The following DYSF variants were observed in gnomAD, a reference collection of about 807,000 sequenced individuals.
DYSF encodes the protein dystrophy-associated fer-1-like 1.
In DYSF, 212 loss-of-function variants were observed where a neutral mutation model predicts 274.9. The observed-to-expected ratio is 0.77, with a 90% CI of 0.69 to 0.86. DYSF has a LOEUF of 0.86. Ranked by LOEUF, DYSF falls within the 40% of genes least tolerant of loss-of-function variation. The probability of loss-of-function intolerance (pLI) is 0.00; values close to 1 mark genes in which losing one functional copy is unlikely to be tolerated. For synonymous variants in DYSF, 1,091 were observed against 1,078.7 expected (o/e 1.01, Z -0.22); for missense variants, 2,666 against 2,783.2 (o/e 0.96, Z 0.95).
chr2:71,526,616 T>C (rs2087952829), intron 13 of DYSF, among the ~76,000 whole-genome samples: 1 of 152,266 alleles, frequency 6.6e-6, no homozygotes, highest in Non-Finnish European at 1.5e-5. Context: ...ATTTTCTTAG[T>C]TCTCATTGAG....
rs762675721 is a variant in DYSF, at chr2:71,668,800, G to A, written c.5504G>A (p.Arg1835Gln). The A allele has an allele frequency of 1.2e-5, 19 of 1,613,848 alleles. No individual in the cohort carries two copies. The highest frequency in any genetic ancestry group is 4.4e-5 in the South Asian group (4 of 91,024). ...GACCTATTTCCGAAGGCCCTGGGGC[G>A]GCCTGGACCTCCCTTCAACATCACC... ...WVDLFPKALG[R>Q]PGPPFNITPR... is the part of the protein sequence containing the mutation. Residue 1835 changes from arginine (R) to glutamine (Q), a missense_variant, in exon 49 of 56, where the codon CGG becomes CAG. Coordinates refer to ENST00000410020, the MANE Select transcript of DYSF (RefSeq NM_001130987.2).
chr2:71,508,244 C>T (rs1406679177), intron 4 of DYSF, among the ~76,000 whole-genome samples: 2 of 152,182 alleles, frequency 1.3e-5, no homozygotes, highest in Admixed American at 1.3e-4. Flanking sequence ...CCTCCTGGCC[C>T]ATCATTCTGA....
At position 71,528,399 on chromosome 2, in the gene DYSF, A is replaced by G. The variant is rs776644656; in HGVS notation, c.1378A>G (p.Met460Val). The change falls in exon 14 of 56, where the codon ATG (methionine) becomes GTG (valine). Residue 460 changes from methionine to valine, a missense_variant and splice_region_variant. By Grantham distance (21) the Met-to-Val change is conservative (BLOSUM62 1). Around this residue, in one of 3 missense-constraint regions of DYSF, gnomAD observed 794 missense variants for 777.1 expected, o/e 1.02. Transcript: ENST00000410020. ...PFVEVSFAGK[M>V]LCSKILEKTA... is the part of the protein sequence containing the mutation. ...TGTGGAGGTCAGCTTTGCGGGGAAA[A>G]TGGTAAGGAGCAAGGGAGCAGGAGG... 3 of 1,613,562 alleles carry G rather than the reference A, an allele frequency of 1.9e-6. No homozygotes were observed. Among genetic ancestry groups the G allele is most frequent in the Non-Finnish European group, 2.5e-6 (3 of 1,179,604 alleles).
intron 22 of DYSF, among the ~76,000 whole-genome samples, chr2:71,557,410 A>C (rs72900882): frequency 4.9e-4 from 74 of 152,330 alleles, no homozygotes; most frequent in African/African-American, 1.7e-3. Context: ...GGGAAGTGGC[A>C]GGAGAGGCTG....
At chr2:71,681,972 C>T (rs934205951) in intron 54 of DYSF, among the ~76,000 whole-genome samples, 20 of 152,156 alleles carry the variant, frequency 1.3e-4, no homozygotes, top group Admixed American at 4.6e-4. Flanking sequence ...CTGATGTTAA[C>T]GGGGCCATGA....
At position 71,474,598 on chromosome 2, in the gene DYSF, G is replaced by A. The variant is rs568471298; in HGVS notation, c.92-6285G>A. The stretch of plus-strand genomic sequence containing the variant: ...CTTGGTGCCTGTAAATCACGTGATT[G>A]TGCTTAGTGAATGTTTCGTTTCTTT... On this transcript the variant is annotated intron_variant, in intron 1 of 55. Transcript: ENST00000410020. Among the ~76,000 whole-genome samples the A allele has an allele frequency of 7.9e-5, 12 of 152,288 alleles. No homozygotes were observed. The South Asian group carries it at 2.3e-3, about 29-fold the overall frequency.
intron 10 of DYSF, among the ~76,000 whole-genome samples, chr2:71,518,438 G>A (rs1436531123): frequency 1.7e-5 from 2 of 114,314 alleles, no homozygotes; most frequent in Non-Finnish European, 3.8e-5. Context: ...TTTTTTTTTT[G>A]GTATTTTTAG....
At chr2:71,551,511 C>A (rs1194232969) in intron 18 of DYSF, 96 bp from the exon 19 acceptor site, 20 of 1,081,370 alleles carry the variant, frequency 1.8e-5, no homozygotes, top group Admixed American at 1.2e-4. Context: ...TCCTGGGTGC[C>A]TGAGAGATGA....
intron 55 of DYSF, among the ~76,000 whole-genome samples, chr2:71,685,452 C>A (rs1366674450): frequency 6.6e-6 from 1 of 152,198 alleles, no homozygotes; most frequent in Non-Finnish European, 1.5e-5. Flanking sequence ...TCCTTCCACC[C>A]AAGTCACTCA....
chr2:71,603,700 T>C (rs1038330328), intron 36 of DYSF, among the ~76,000 whole-genome samples: 2 of 152,162 alleles, frequency 1.3e-5, no homozygotes, highest in Non-Finnish European at 2.9e-5. Context: ...GCCTCCTGCT[T>C]CTGGCTGCAG....
intron 42 of DYSF, among the ~76,000 whole-genome samples, chr2:71,654,867 C>A (rs1212711775): frequency 1.3e-5 from 2 of 152,008 alleles, no homozygotes; most frequent in Admixed American, 1.3e-4. Context: ...TTGCTTGAGT[C>A]CAGGAGTTTG....
At chr2:71,616,256 C>T (rs1419295884) in intron 40 of DYSF, among the ~76,000 whole-genome samples, 4 of 152,056 alleles carry the variant, frequency 2.6e-5, no homozygotes, top group Non-Finnish European at 5.9e-5. Context: ...CTCAGCATCC[C>T]AGGGCTCGTA....
chr2:71,479,199 T>C (rs2082674622), intron 1 of DYSF, among the ~76,000 whole-genome samples: 1 of 93,926 alleles, frequency 1.1e-5, no homozygotes, highest in South Asian at 3.4e-4. Context: ...GCTGAACCCT[T>C]TGAATTGTCT....
chr2:71,639,784 A>G (rs1204951616), intron 41 of DYSF, among the ~76,000 whole-genome samples: 1 of 152,204 alleles, frequency 6.6e-6, no homozygotes, highest in African/African-American at 2.4e-5. Flanking sequence ...CTTTTAGGCT[A>G]TGGAAACGTG....
At chr2:71,540,514 C>T (rs1201812354) in intron 17 of DYSF, among the ~76,000 whole-genome samples, 3 of 151,962 alleles carry the variant, frequency 2.0e-5, no homozygotes, top group East Asian at 1.9e-4. Context: ...TTTTGCTATA[C>T]CCTCCCCAAC....
intron 45 of DYSF, among the ~76,000 whole-genome samples, chr2:71,662,964 GTA>G (rs1302615637): frequency 6.6e-6 from 1 of 152,174 alleles, no homozygotes; most frequent in Admixed American, 6.5e-5. Flanking sequence ...ATTTGTGTGT[GTA>G]TGTCTGTGTC....
rs191348295 is a variant in DYSF at position 71,506,998 on chromosome 2, A to G, written c.345+3679A>G. ...TTGGTGTGGAGCTGTCGGTGTAGAAACACCGGATGCTCAGGAAACCCCAGA... is the reference window on the plus strand; with the variant it reads ...TTGGTGTGGAGCTGTCGGTGTAGAAGCACCGGATGCTCAGGAAACCCCAGA... On this transcript the variant is annotated intron_variant, in intron 4 of 55. Coordinates refer to ENST00000410020, the MANE Select transcript of DYSF (RefSeq NM_001130987.2). Among the ~76,000 whole-genome samples the G allele has an allele frequency of 2.0e-3, 306 of 151,952 alleles. 3 individuals are homozygous for G. The highest frequency in any genetic ancestry group is 1.4e-3 in the Non-Finnish European group (92 of 67,894).
intron 1 of DYSF, among the ~76,000 whole-genome samples, chr2:71,474,773 A>G (rs2082277254): frequency 6.6e-6 from 1 of 152,228 alleles, no homozygotes; most frequent in Non-Finnish European, 1.5e-5. Flanking sequence ...TAGGAAGTGG[A>G]AAATGATTAA....
chr2:71,454,146 G>A, intron 1 of DYSF: 1 of 1,518,628 alleles, frequency 6.6e-7, no homozygotes, highest in Non-Finnish European at 9.0e-7. Context: ...GGGACGCCGC[G>A]GCTCTCAACC....
Sources: allele counts gnomAD v4.1 joint callset (sites outside exome capture counted in the v4.1 genomes callset), GRCh38; gene constraint gnomAD v4.1.1; regional missense constraint gnomAD v4.1.1; transcripts MANE v1.5; gene names NCBI Gene and HGNC (gene_info 2026-07-23, HGNC 2026-07-21).